CACNA2D3: variants seen among roughly 807,000 people sequenced by gnomAD.
CACNA2D3 encodes the protein voltage-dependent calcium channel subunit alpha-2/delta-3.
CACNA2D3 carries 60 observed loss-of-function variants against 160.6 expected under a neutral mutation model. The observed-to-expected ratio is 0.37, with a 90% CI of 0.30 to 0.46. The LOEUF is 0.46. Among genes scored for constraint, CACNA2D3 ranks in the 20% least tolerant of loss-of-function variants. CACNA2D3 has a pLI of 1.00. For missense variants in CACNA2D3, 1,205 were observed against 1,365.0 expected, an observed-to-expected ratio of 0.88 and a Z score of 1.85; for synonymous variants, 558 against 492.9, an observed-to-expected ratio of 1.13 and a Z score of -1.75.
At chr3:54,821,691 T>TC (rs879469548) in intron 14 of CACNA2D3, among the ~76,000 whole-genome samples, 1,792 of 116,502 alleles carry the variant, frequency 0.015, 39 homozygotes, top group East Asian at 0.04. Flanking sequence ...TTTCTTTCTT[T>TC]CTTTCTTTCC....
At position 54,791,569 on chromosome 3, in the gene CACNA2D3, C is replaced by A. The variant is rs139098196; in HGVS notation, c.1381-25284C>A. ...TCACTCTGGGTAATTTAAATAAAATCTTTTCTGTAAATAGTTTATGCTCAT... is the reference window on the plus strand; with the variant it reads ...TCACTCTGGGTAATTTAAATAAAATATTTTCTGTAAATAGTTTATGCTCAT... On this transcript the variant is annotated intron_variant, in intron 13 of 37. Transcript: ENST00000474759. Among the ~76,000 whole-genome samples, 573 of 152,238 alleles carry A rather than the reference C, an allele frequency of 3.8e-3. 4 individuals carry two copies. The highest frequency in any genetic ancestry group is 0.014 in the Middle Eastern group (4 of 294).
intron 35 of CACNA2D3, among the ~76,000 whole-genome samples, chr3:55,021,679 GTATATA>G (rs3836389): frequency 2.1e-5 from 3 of 141,916 alleles, no homozygotes; most frequent in African/African-American, 8.1e-5. Flanking sequence ...ATATATATGT[GTATATA>G]TATATATGTG....
At chr3:54,430,456 A>C (rs573621086) in intron 4 of CACNA2D3, among the ~76,000 whole-genome samples, 1 of 152,224 alleles carries the variant, frequency 6.6e-6, no homozygotes, top group African/African-American at 2.4e-5. Flanking sequence ...TTTGTGATTT[A>C]TAACTCTTTG....
chr3:54,592,574 C>T (rs966399271), intron 9 of CACNA2D3, among the ~76,000 whole-genome samples: 1 of 152,078 alleles, frequency 6.6e-6, no homozygotes, highest in Non-Finnish European at 1.5e-5. Context: ...AACCATTCAT[C>T]AGACCTTAAA....
At chr3:54,606,546 A>T (rs1322929825) in intron 9 of CACNA2D3, among the ~76,000 whole-genome samples, 3 of 152,168 alleles carry the variant, frequency 2.0e-5, no homozygotes, top group African/African-American at 7.2e-5. Flanking sequence ...AGAAGAGACA[A>T]GGATGATGCT....
chr3:54,745,913 A>G (rs1014382868), intron 11 of CACNA2D3, among the ~76,000 whole-genome samples: 3 of 152,092 alleles, frequency 2.0e-5, no homozygotes, highest in African/African-American at 7.2e-5. Flanking sequence ...GTGACAGTCC[A>G]TTTTTCATAA....
intron 10 of CACNA2D3, among the ~76,000 whole-genome samples, chr3:54,634,784 T>C (rs1248624271): frequency 6.6e-6 from 1 of 152,198 alleles, no homozygotes; most frequent in Non-Finnish European, 1.5e-5. Flanking sequence ...ACTGGCCATT[T>C]ACACTTCTTT....
chr3:54,928,005 G>T (rs181431638), intron 27 of CACNA2D3: 2 of 1,165,772 alleles, frequency 1.7e-6, no homozygotes, highest in East Asian at 2.4e-5. Flanking sequence ...TCAGAGCCCA[G>T]CTTTACATTC....
At chr3:54,517,245 T>C (rs571112320) in intron 5 of CACNA2D3, among the ~76,000 whole-genome samples, 1 of 152,334 alleles carries the variant, frequency 6.6e-6, no homozygotes, top group Admixed American at 6.5e-5. Flanking sequence ...AGCAGTGGCT[T>C]GGGAGAAGCC....
intron 4 of CACNA2D3, among the ~76,000 whole-genome samples, chr3:54,483,375 G>A (rs771734720): frequency 8.5e-5 from 13 of 152,112 alleles, no homozygotes; most frequent in Non-Finnish European, 1.6e-4. Flanking sequence ...CCTTTACGGG[G>A]TGCATGGTGG....
At chr3:54,660,203 C>T (rs1338543697) in intron 11 of CACNA2D3, among the ~76,000 whole-genome samples, 7 of 151,326 alleles carry the variant, frequency 4.6e-5, no homozygotes, top group African/African-American at 7.3e-5. Flanking sequence ...CTCTGTCGCC[C>T]AGGCTGGAGT....
At chr3:54,320,391 G>A (rs979692071) in intron 2 of CACNA2D3, 51 bp from the exon 3 acceptor site, 1 of 843,028 alleles carries the variant, frequency 1.2e-6, no homozygotes, top group African/African-American at 1.7e-5. Context: ...AATCACAGCT[G>A]TGGTGTTTTA....
chr3:54,807,428 T>G (rs1034299079), intron 13 of CACNA2D3, among the ~76,000 whole-genome samples: 1 of 152,182 alleles, frequency 6.6e-6, no homozygotes, highest in Non-Finnish European at 1.5e-5. Flanking sequence ...AGAAGGCATT[T>G]ATGCAGCCAA....
chr3:54,634,579 G>A (rs1008537693), intron 10 of CACNA2D3: 2 of 151,886 alleles, frequency 1.3e-5, no homozygotes, highest in African/African-American at 4.8e-5. Flanking sequence ...AGTCGGAAAA[G>A]AGAGTCAGCG....
chr3:54,733,998 G>A (rs751279481), intron 11 of CACNA2D3, among the ~76,000 whole-genome samples: 12 of 151,572 alleles, frequency 7.9e-5, no homozygotes, highest in Non-Finnish European at 1.5e-4. Flanking sequence ...TTCAGAATTC[G>A]GAGTTTGACT....
intron 2 of CACNA2D3, among the ~76,000 whole-genome samples, chr3:54,272,132 A>G (rs1211766530): frequency 6.6e-6 from 1 of 152,118 alleles, no homozygotes; most frequent in Non-Finnish European, 1.5e-5. Flanking sequence ...CTACAGCTGG[A>G]CATGGCCCCG....
intron 11 of CACNA2D3, among the ~76,000 whole-genome samples, chr3:54,723,144 T>C (rs531659521): frequency 6.6e-6 from 1 of 152,346 alleles, no homozygotes; most frequent in African/African-American, 2.4e-5. Context: ...TGAGCAGCAG[T>C]GGGCTACACC....
At chr3:54,719,169 T>C (rs933738233) in intron 11 of CACNA2D3, among the ~76,000 whole-genome samples, 1 of 150,704 alleles carries the variant, frequency 6.6e-6, no homozygotes, top group African/African-American at 2.4e-5. Context: ...ATTTCTTTTT[T>C]TTTTTTTTTT....
intron 4 of CACNA2D3, among the ~76,000 whole-genome samples, chr3:54,479,071 G>A (rs927963282): frequency 3.3e-5 from 5 of 151,858 alleles, no homozygotes; most frequent in African/African-American, 1.2e-4. Flanking sequence ...GGACCCAGTG[G>A]GAGGCAACTG....
Sources: allele counts gnomAD v4.1 joint callset (sites outside exome capture counted in the v4.1 genomes callset), GRCh38; gene constraint gnomAD v4.1.1; transcripts MANE v1.5; gene names NCBI Gene and HGNC (gene_info 2026-07-23, HGNC 2026-07-21).